EXOC6B: variants seen among roughly 807,000 people sequenced by gnomAD.
EXOC6B encodes SEC15 homolog B.
In EXOC6B, 54 loss-of-function variants were observed where a neutral mutation model predicts 113.5. The ratio of observed to expected loss-of-function variants is 0.48; its 90% CI spans 0.38 to 0.60. The LOEUF (loss-of-function observed/expected upper bound fraction) is 0.60. Among genes scored for constraint, EXOC6B ranks in the 20% least tolerant of loss-of-function variants. EXOC6B has a pLI of 0.00. For synonymous variants in EXOC6B, 357 were observed against 339.0 expected, an observed-to-expected ratio of 1.05 and a Z score of -0.58; for missense variants, 797 against 977.5, an observed-to-expected ratio of 0.82 and a Z score of 2.46.
At chr2:72,550,995 T>G in intron 8 of EXOC6B, among the ~76,000 whole-genome samples, 1 of 151,298 alleles carries the variant, frequency 6.6e-6, no homozygotes. Flanking sequence ...CTTGGATAAC[T>G]GCCATTTATT....
At chr2:72,645,358 ACTGT>A (rs1235592151) in intron 6 of EXOC6B, among the ~76,000 whole-genome samples, 1 of 152,160 alleles carries the variant, frequency 6.6e-6, no homozygotes, top group African/African-American at 2.4e-5. Context: ...TTAACACCCC[ACTGT>A]CAATATTAGA....
intron 8 of EXOC6B, among the ~76,000 whole-genome samples, chr2:72,534,754 A>G (rs946097057): frequency 2.0e-5 from 3 of 152,206 alleles, no homozygotes; most frequent in Admixed American, 2.0e-4. Flanking sequence ...AAGAAAACTG[A>G]AAGCCAAAGT....
At chr2:72,640,409 T>A (rs1205725668) in intron 6 of EXOC6B, among the ~76,000 whole-genome samples, 1 of 152,036 alleles carries the variant, frequency 6.6e-6, no homozygotes, top group Non-Finnish European at 1.5e-5. Flanking sequence ...CTGAAAGAGA[T>A]AGGGAGAAAG....
chr2:72,373,976 G>C (rs1691197033), intron 19 of EXOC6B, among the ~76,000 whole-genome samples: 1 of 152,056 alleles, frequency 6.6e-6, no homozygotes, highest in Non-Finnish European at 1.5e-5. Flanking sequence ...ACAAAAATTA[G>C]CCAGGCATGG....
At chr2:72,420,750 T>G (rs1012578357) in intron 18 of EXOC6B, among the ~76,000 whole-genome samples, 3 of 152,154 alleles carry the variant, frequency 2.0e-5, no homozygotes, top group Non-Finnish European at 4.4e-5. Context: ...GGGTATATAC[T>G]CAGTAATGGG....
chr2:72,530,891 T>C (rs914139180), intron 8 of EXOC6B, among the ~76,000 whole-genome samples: 1 of 152,130 alleles, frequency 6.6e-6, no homozygotes, highest in Non-Finnish European at 1.5e-5. Flanking sequence ...TAATAGAGAT[T>C]ATTCTGCTTT....
In EXOC6B at chr2:72,177,920, G is replaced by A. The variant is rs1182575812; in HGVS notation, c.*1415C>T. 2.0e-5 allele frequency: 3 copies of A among 152,180 alleles called. No individual in the cohort carries two copies. Among genetic ancestry groups the A allele is most frequent in the Non-Finnish European group, 2.9e-5 (2 of 68,044 alleles). The allele number at this position is 152,180 out of a possible 1,614,324, so 9.4% of individuals were successfully genotyped here. ...TACTAGCCAGTAGCATCTTTCTGAA[G>A]TGTCTTAAAGTACAGTTTCCCCCGA... On this transcript the variant is annotated 3_prime_UTR_variant, in exon 22 of 22. Coordinates refer to ENST00000272427, the MANE Select transcript of EXOC6B (RefSeq NM_015189.3).
At chr2:72,449,346 T>G (rs1427836526) in intron 18 of EXOC6B, among the ~76,000 whole-genome samples, 1 of 152,054 alleles carries the variant, frequency 6.6e-6, no homozygotes, top group Admixed American at 6.6e-5. Flanking sequence ...AATTTTTTTG[T>G]ATTTTTAGTA....
At chr2:72,621,021 T>C (rs1351548676) in intron 6 of EXOC6B, among the ~76,000 whole-genome samples, 1 of 152,206 alleles carries the variant, frequency 6.6e-6, no homozygotes, top group African/African-American at 2.4e-5. Flanking sequence ...GGCAAAGCTA[T>C]GGAGAAAAGG....
intron 20 of EXOC6B, among the ~76,000 whole-genome samples, chr2:72,225,970 A>G (rs1681211950): frequency 6.6e-6 from 1 of 152,204 alleles, no homozygotes; most frequent in Non-Finnish European, 1.5e-5. Flanking sequence ...ATCCATTTAT[A>G]GTACTACAGC....
At chr2:72,822,791 T>C (rs1019065424) in intron 1 of EXOC6B, among the ~76,000 whole-genome samples, 19 of 152,160 alleles carry the variant, frequency 1.2e-4, no homozygotes, top group African/African-American at 4.6e-4. Context: ...TTTACAATGT[T>C]ACCTCAAAAG....
chr2:72,760,810 T>C (rs528478731), intron 1 of EXOC6B, among the ~76,000 whole-genome samples: 13 of 152,154 alleles, frequency 8.5e-5, no homozygotes, highest in Admixed American at 2.6e-4. Flanking sequence ...CCACTAAAAC[T>C]GCATGATTAG....
At chr2:72,535,077 T>C (rs967219855) in intron 8 of EXOC6B, among the ~76,000 whole-genome samples, 1 of 152,168 alleles carries the variant, frequency 6.6e-6, no homozygotes, top group Non-Finnish European at 1.5e-5. Context: ...AAAATGCAAA[T>C]ACTAAACTTG....
intron 6 of EXOC6B, among the ~76,000 whole-genome samples, chr2:72,587,389 C>T (rs765002552): frequency 6.6e-6 from 1 of 151,794 alleles, no homozygotes; most frequent in Non-Finnish European, 1.5e-5. Context: ...ATAAAGATGG[C>T]AACAATAGAC....
At chr2:72,779,948 A>G (rs1683928446) in intron 1 of EXOC6B, among the ~76,000 whole-genome samples, 2 of 152,178 alleles carry the variant, frequency 1.3e-5, no homozygotes, top group Admixed American at 1.3e-4. Flanking sequence ...AGTCTGAAAA[A>G]GAGAAGAGAC....
At chr2:72,316,786 T>C (rs1687536922) in intron 20 of EXOC6B, among the ~76,000 whole-genome samples, 1 of 152,158 alleles carries the variant, frequency 6.6e-6, no homozygotes, top group Non-Finnish European at 1.5e-5. Flanking sequence ...AGAGCATTTG[T>C]AATGAAGGGG....
chr2:72,350,136 T>C (rs1169865769), intron 19 of EXOC6B, among the ~76,000 whole-genome samples: 1 of 152,132 alleles, frequency 6.6e-6, no homozygotes, highest in African/African-American at 2.4e-5. Context: ...AAAATAACAA[T>C]ATGCATTTTT....
chr2:72,256,777 G>C (rs1274379380), intron 20 of EXOC6B, among the ~76,000 whole-genome samples: 1 of 152,166 alleles, frequency 6.6e-6, no homozygotes, highest in Non-Finnish European at 1.5e-5. Context: ...GATTAACCAA[G>C]TTTGGGAATC....
chr2:72,364,840 A>G (rs1468388588), intron 19 of EXOC6B, among the ~76,000 whole-genome samples: 6 of 152,140 alleles, frequency 3.9e-5, no homozygotes, highest in Non-Finnish European at 8.8e-5. Flanking sequence ...AGACTTTGTT[A>G]TTTAACCAGT....
Sources: allele counts gnomAD v4.1 joint callset (sites outside exome capture counted in the v4.1 genomes callset), GRCh38; gene constraint gnomAD v4.1.1; transcripts MANE v1.5; gene names NCBI Gene and HGNC (gene_info 2026-07-23, HGNC 2026-07-21).